Variants in TTC29 observed in about 807,000 individuals in gnomAD.
The protein encoded by TTC29 is tetratricopeptide repeat protein 29.
In TTC29, 49 loss-of-function variants were observed where a neutral mutation model predicts 58.1. That is an observed-to-expected ratio of 0.84 (90% CI 0.67 to 1.07). The LOEUF (loss-of-function observed/expected upper bound fraction) is 1.07. TTC29 is among the 50% of genes least tolerant of loss of function. The pLI, the probability that TTC29 is intolerant of heterozygous loss-of-function variation, is 0.00. For missense variants in TTC29, 582 were observed against 555.6 expected, an observed-to-expected ratio of 1.05 and a Z score of -0.48; for synonymous variants, 209 against 196.8, an observed-to-expected ratio of 1.06 and a Z score of -0.52.
At chr4:146,718,682 C>CT (rs1358526096) in intron 11 of TTC29, among the ~76,000 whole-genome samples, 4 of 151,842 alleles carry the variant, frequency 2.6e-5, no homozygotes, top group Admixed American at 6.6e-5. Flanking sequence ...CTGTTGTTTT[C>CT]TTTTTTTGTG....
chr4:146,773,752 T>C (rs1223639456), intron 11 of TTC29, among the ~76,000 whole-genome samples: 1 of 152,048 alleles, frequency 6.6e-6, no homozygotes, highest in African/African-American at 2.4e-5. Context: ...GCTGGTCTCA[T>C]AGAATGAATA....
intron 11 of TTC29, among the ~76,000 whole-genome samples, chr4:146,733,287 A>G (rs577008233): frequency 5.3e-5 from 8 of 152,254 alleles, no homozygotes; most frequent in South Asian, 2.1e-4. Flanking sequence ...GAACCTTCTT[A>G]TTTAGTATAG....
At chr4:146,798,735 A>C (rs1018230585) in intron 11 of TTC29, among the ~76,000 whole-genome samples, 5 of 151,560 alleles carry the variant, frequency 3.3e-5, no homozygotes, top group Non-Finnish European at 7.4e-5. Context: ...AAAATAGAAA[A>C]AATTAGCCAG....
At chr4:146,930,069 TTGTA>T (rs1251905281) in intron 4 of TTC29, among the ~76,000 whole-genome samples, 3 of 109,500 alleles carry the variant, frequency 2.7e-5, no homozygotes, top group Non-Finnish European at 5.6e-5. Flanking sequence ...CTACATATAT[TTGTA>T]TGTGTGTGTG....
At chr4:146,723,130 C>T (rs1487110865) in intron 11 of TTC29, among the ~76,000 whole-genome samples, 1 of 152,056 alleles carries the variant, frequency 6.6e-6, no homozygotes, top group Non-Finnish European at 1.5e-5. Context: ...TGCCTATAAT[C>T]CCAGCTACTC....
chr4:146,760,241 G>C (rs534604195), intron 11 of TTC29, among the ~76,000 whole-genome samples: 29 of 151,986 alleles, frequency 1.9e-4, no homozygotes, highest in Non-Finnish European at 3.8e-4. Flanking sequence ...GGAGTTGAAA[G>C]ACCTCTATGA....
At chr4:146,794,357 T>C (rs768476401) in intron 11 of TTC29, among the ~76,000 whole-genome samples, 9 of 152,136 alleles carry the variant, frequency 5.9e-5, no homozygotes, top group Non-Finnish European at 8.8e-5. Flanking sequence ...CAATTAGTTT[T>C]TTCATATTAT....
chr4:146,739,570 G>C (rs1744967075), intron 11 of TTC29, among the ~76,000 whole-genome samples: 1 of 152,146 alleles, frequency 6.6e-6, no homozygotes, highest in African/African-American at 2.4e-5. Flanking sequence ...GCTTTTCATA[G>C]AGTAAATGTT....
intron 10 of TTC29, among the ~76,000 whole-genome samples, chr4:146,815,859 C>T (rs766101904): frequency 6.6e-6 from 1 of 152,146 alleles, no homozygotes; most frequent in Non-Finnish European, 1.5e-5. Context: ...AACTTTTTAG[C>T]CTACCTCCAA....
At chr4:146,737,690 T>C (rs1006089249) in intron 11 of TTC29, among the ~76,000 whole-genome samples, 1 of 151,644 alleles carries the variant, frequency 6.6e-6, no homozygotes, top group Non-Finnish European at 1.5e-5. Flanking sequence ...CAGGGTGCCA[T>C]TGAAAAAACC....
intron 11 of TTC29, among the ~76,000 whole-genome samples, chr4:146,708,946 T>G (rs1268217468): frequency 1.3e-5 from 2 of 152,084 alleles, no homozygotes; most frequent in Non-Finnish European, 2.9e-5. Context: ...GTTGGTGTCC[T>G]CTCCTCCTTG....
chr4:146,796,493 C>T (rs1749844280), intron 11 of TTC29, among the ~76,000 whole-genome samples: 1 of 152,044 alleles, frequency 6.6e-6, no homozygotes, highest in South Asian at 2.1e-4. Context: ...AGTAATTATC[C>T]ATTTAATGTC....
At chr4:146,841,848 T>C (rs1439747169) in intron 8 of TTC29, among the ~76,000 whole-genome samples, 1 of 152,010 alleles carries the variant, frequency 6.6e-6, no homozygotes, top group Non-Finnish European at 1.5e-5. Context: ...TTTCCTCAGG[T>C]ACAAAATGGA....
chr4:146,772,635 A>G (rs892236538), intron 11 of TTC29, among the ~76,000 whole-genome samples: 4 of 152,118 alleles, frequency 2.6e-5, no homozygotes, highest in African/African-American at 9.7e-5. Context: ...ACCTTGTAGT[A>G]TAGTTTGAAG....
At chr4:146,827,878 T>C (rs1451162675) in intron 9 of TTC29, among the ~76,000 whole-genome samples, 1 of 152,218 alleles carries the variant, frequency 6.6e-6, no homozygotes, top group African/African-American at 2.4e-5. Flanking sequence ...ATGTGATGAA[T>C]TAAACATCCT....
chr4:146,896,895 T>C (rs1165669363), intron 6 of TTC29, among the ~76,000 whole-genome samples: 1 of 152,206 alleles, frequency 6.6e-6, no homozygotes, highest in African/African-American at 2.4e-5. Flanking sequence ...CTTATGACTT[T>C]CTAGTTTCTA....
intron 8 of TTC29, among the ~76,000 whole-genome samples, chr4:146,848,090 G>A (rs777797065): frequency 6.6e-6 from 1 of 152,148 alleles, no homozygotes; most frequent in African/African-American, 2.4e-5. Flanking sequence ...AAGCTACAAA[G>A]TTTCTCAACA....
At chr4:146,789,020 G>A (rs1475233567) in intron 11 of TTC29, among the ~76,000 whole-genome samples, 1 of 152,130 alleles carries the variant, frequency 6.6e-6, no homozygotes, top group African/African-American at 2.4e-5. Flanking sequence ...CTGATTTGAA[G>A]TGCTTTCCAT....
chr4:146,885,252 G>C (rs952327582), intron 6 of TTC29, among the ~76,000 whole-genome samples: 3 of 151,788 alleles, frequency 2.0e-5, no homozygotes, highest in African/African-American at 7.3e-5. Context: ...GCAAAAAAAA[G>C]GATATTTAGC....
Sources: allele counts gnomAD v4.1 joint callset (sites outside exome capture counted in the v4.1 genomes callset), GRCh38; gene constraint gnomAD v4.1.1; transcripts MANE v1.5; gene names NCBI Gene and HGNC (gene_info 2026-07-23, HGNC 2026-07-21).